STK32B: variants seen among roughly 807,000 people sequenced by gnomAD.
The protein encoded by STK32B is serine/threonine-protein kinase 32B.
A neutral mutation model predicts 52.6 loss-of-function variants in STK32B; 43 were observed. That is an observed-to-expected ratio of 0.82 (90% CI 0.64 to 1.05). STK32B has a LOEUF of 1.05. Among genes scored for constraint, STK32B ranks in the 50% least tolerant of loss-of-function variants. The pLI, the probability that STK32B is intolerant of heterozygous loss-of-function variation, is 0.00. For synonymous variants in STK32B, 238 were observed against 204.3 expected (o/e 1.17, Z -1.41); for missense variants, 621 against 534.6 (o/e 1.16, Z -1.59).
At chr4:5,088,596 A>G (rs1009000574) in intron 1 of STK32B, among the ~76,000 whole-genome samples, 3 of 152,040 alleles carry the variant, frequency 2.0e-5, no homozygotes, top group African/African-American at 7.2e-5. Flanking sequence ...ACATTTTAAA[A>G]TAACTAAAAT....
intron 4 of STK32B, among the ~76,000 whole-genome samples, chr4:5,374,439 T>G (rs1353472261): frequency 6.6e-6 from 1 of 152,214 alleles, no homozygotes; most frequent in South Asian, 2.1e-4. Context: ...TAAGGACTAA[T>G]AATAGAATGG....
chr4:5,252,253 A>G (rs1490040076), intron 3 of STK32B, among the ~76,000 whole-genome samples: 1 of 152,214 alleles, frequency 6.6e-6, no homozygotes, highest in East Asian at 1.9e-4. Context: ...CCATAAAAGC[A>G]TTATTCAGTG....
At chr4:5,318,839 G>T (rs970481923) in intron 3 of STK32B, among the ~76,000 whole-genome samples, 1 of 151,024 alleles carries the variant, frequency 6.6e-6, no homozygotes, top group African/African-American at 2.4e-5. Context: ...TTGCTCTGTC[G>T]CCCACACTGG....
At chr4:5,145,617 T>G (rs1716852904) in intron 2 of STK32B, among the ~76,000 whole-genome samples, 1 of 152,232 alleles carries the variant, frequency 6.6e-6, no homozygotes, top group Non-Finnish European at 1.5e-5. Context: ...TAAAGCTTCA[T>G]AATGTTTTAC....
the STK32B span, among the ~76,000 whole-genome samples, chr4:5,023,866 G>A: frequency 1.3e-5 from 2 of 152,324 alleles, no homozygotes; most frequent in East Asian, 3.9e-4. Flanking sequence ...CTTACACTAT[G>A]TGGGACCCAG....
rs555623704 is a variant in STK32B at position 5,135,316 on chromosome 4, CCAA to C, written c.53-4586_53-4584del. Among the ~76,000 whole-genome samples, 846 of 152,252 alleles carry C rather than the reference CCAA, an allele frequency of 5.6e-3. 1 individual carries two copies. The highest frequency in any genetic ancestry group is 9.5e-3 in the Non-Finnish European group (646 of 68,020). On this transcript the variant is annotated intron_variant, in intron 1 of 11. Transcript: ENST00000282908. ...TGCACAGAGAGCCTGAGTGACTTCC[CCAA>C]CATCACCCAGCCACAGCCACTGAGT...
chr4:5,322,664 G>T (rs1008459952), intron 3 of STK32B, among the ~76,000 whole-genome samples: 2 of 152,160 alleles, frequency 1.3e-5, no homozygotes, highest in African/African-American at 2.4e-5. Flanking sequence ...AAGGTCTAGG[G>T]TTTCCTCCAG....
chr4:5,211,633 C>T (rs985833738), intron 3 of STK32B, among the ~76,000 whole-genome samples: 2 of 152,056 alleles, frequency 1.3e-5, no homozygotes, highest in Admixed American at 1.3e-4. Context: ...GAAATGTGGC[C>T]CATCTCCTCC....
chr4:5,039,716 G>A, the STK32B span, among the ~76,000 whole-genome samples: 1 of 152,204 alleles, frequency 6.6e-6, no homozygotes, highest in Non-Finnish European at 1.5e-5. Context: ...GTGCAAGGAG[G>A]TGTGTTTACA....
In STK32B at chr4:5,153,072, C is replaced by A. The variant is rs1717503434; in HGVS notation, c.108+13112C>A. Among the ~76,000 whole-genome samples, 4 of 152,342 alleles carry A rather than the reference C, an allele frequency of 2.6e-5. No individual in the cohort carries two copies. The South Asian group carries it at 6.2e-4, about 24-fold the overall frequency. ...TCCTGGAGAGGACCCCACTGCCATG[C>A]ACAGCCTGTTTTATTTTCAAATGTC... is the stretch of plus-strand genomic sequence containing the variant. On this transcript the variant is annotated intron_variant, in intron 2 of 11. Coordinates refer to ENST00000282908, the MANE Select transcript of STK32B (RefSeq NM_018401.3).
chr4:5,186,352 C>T (rs1418600277), intron 3 of STK32B, among the ~76,000 whole-genome samples: 2 of 152,164 alleles, frequency 1.3e-5, no homozygotes, highest in African/African-American at 4.8e-5. Flanking sequence ...TCATCTCTGT[C>T]TCCCTAGCAT....
At chr4:5,334,763 A>G (rs202149593) in intron 4 of STK32B, among the ~76,000 whole-genome samples, 13 of 151,836 alleles carry the variant, frequency 8.6e-5, no homozygotes, top group African/African-American at 2.4e-4. Context: ...GGTTCTGTTT[A>G]TATGCTGGAT....
At chr4:5,254,507 A>G (rs73081681) in intron 3 of STK32B, among the ~76,000 whole-genome samples, 3,614 of 152,166 alleles carry the variant, frequency 0.024, 136 homozygotes, top group African/African-American at 0.08. Context: ...TTTTCTGACA[A>G]TGCACTTAAG....
At chr4:5,107,785 G>A (rs1247507048) in intron 1 of STK32B, among the ~76,000 whole-genome samples, 2 of 152,116 alleles carry the variant, frequency 1.3e-5, no homozygotes, top group African/African-American at 4.8e-5. Flanking sequence ...ACAGATTCCA[G>A]TGTTATCCAA....
chr4:5,362,708 T>G (rs10003624), intron 4 of STK32B, among the ~76,000 whole-genome samples: 8,271 of 152,170 alleles, frequency 0.054, 353 homozygotes, highest in African/African-American at 0.12. Context: ...AAGAGATGCA[T>G]TTCTTCCAGA....
At chr4:5,421,160 G>A (rs1296963373) in intron 6 of STK32B, among the ~76,000 whole-genome samples, 3 of 151,316 alleles carry the variant, frequency 2.0e-5, no homozygotes, top group African/African-American at 7.3e-5. Context: ...CGTGATCTCT[G>A]CTCACTGCAA....
chr4:5,405,018 C>G (rs1256878335), intron 5 of STK32B, among the ~76,000 whole-genome samples: 1 of 151,486 alleles, frequency 6.6e-6, no homozygotes, highest in Non-Finnish European at 1.5e-5. Flanking sequence ...AGGCGCCCAC[C>G]ACCACACCTG....
Position 5,317,241 on chromosome 4 carries a change from A to ATAATATATAACATATAACATATC in STK32B, c.261-13977_261-13976insATATATAACATATAACATATCTA, listed in dbSNP as rs1731079352. On this transcript the variant is annotated intron_variant, in intron 3 of 11. Coordinates refer to ENST00000282908, the MANE Select transcript of STK32B (RefSeq NM_018401.3). Reference sequence around the variant, plus strand: ...TATATATATTATATATAACATATATATATTATATATAACATATAACATATA... The same window carrying ATAATATATAACATATAACATATC: ...TATATATATTATATATAACATATATATAATATATAACATATAACATATCTATTATATATAACATATAACATATA... Among the ~76,000 whole-genome samples the ATAATATATAACATATAACATATC allele has an allele frequency of 1.0e-4, 4 of 40,042 alleles. 2 individuals carry two copies. In the African/African-American group the frequency reaches 1.0e-3, roughly 10 times the overall value. The allele number at this position is 40,042 out of a possible 152,430, so 26.3% of individuals were successfully genotyped here. A position where few individuals can be genotyped will look rare whatever the true frequency, so the allele number is the denominator to read the frequency against.
Position 5,051,677 on chromosome 4 carries a change from G to GA in STK32B, c.-185dup. 1 of 663,334 alleles carries GA rather than the reference G, an allele frequency of 1.5e-6. No individual in the cohort carries two copies. Among genetic ancestry groups the GA allele is most frequent in the Middle Eastern group, 4.2e-4 (1 of 2,376 alleles). The allele number at this position is 663,334 out of a possible 1,614,324, so 41.1% of individuals were successfully genotyped here. Reference sequence around the variant, plus strand: ...AGCGGGGTCCCTGCGAGCGCAGTCGGAAGGGCGTCCAGGAGAAGGGGGACG... The same window carrying GA: ...AGCGGGGTCCCTGCGAGCGCAGTCGGAAAGGGCGTCCAGGAGAAGGGGGACG... On this transcript the variant is annotated 5_prime_UTR_variant, in exon 1 of 12. Coordinates refer to ENST00000282908, the MANE Select transcript of STK32B (RefSeq NM_018401.3).
Sources: allele counts gnomAD v4.1 joint callset (sites outside exome capture counted in the v4.1 genomes callset), GRCh38; gene constraint gnomAD v4.1.1; transcripts MANE v1.5; gene names NCBI Gene and HGNC (gene_info 2026-07-23, HGNC 2026-07-21).